Variants in MSRA observed in about 807,000 individuals in gnomAD.
The protein encoded by MSRA is methionine sulfoxide reductase A, also known as mitochondrial peptide methionine sulfoxide reductase.
Under a neutral mutation model 31.3 loss-of-function variants are expected in MSRA, and 54 were observed. The ratio of observed to expected loss-of-function variants is 1.73; its 90% confidence interval spans 1.39 to 2.17. The LOEUF (loss-of-function observed/expected upper bound fraction) is 2.17, where lower values mean the gene tolerates loss of function less well. Ranked by LOEUF, MSRA falls within the 30% of genes most tolerant of loss-of-function variation. The pLI, the probability that MSRA is intolerant of heterozygous loss-of-function variation, is 0.00. For missense variants in MSRA, 507 were observed against 300.9 expected (o/e 1.69, Z -5.07); for synonymous variants, 169 against 116.5 (o/e 1.45, Z -2.90).
At chr8:10,312,546 C>G (rs1254298523) in intron 4 of MSRA, among the ~76,000 whole-genome samples, 1 of 152,154 alleles carries the variant, frequency 6.6e-6, no homozygotes, top group Non-Finnish European at 1.5e-5. Context: ...GAGATGCAGT[C>G]CATCTTATGA....
chr8:10,276,849 A>G (rs1799348089), intron 3 of MSRA, among the ~76,000 whole-genome samples: 1 of 152,150 alleles, frequency 6.6e-6, no homozygotes. Flanking sequence ...AGGTCTACAT[A>G]TGATTTATCG....
chr8:10,158,718 C>A (rs914172598), intron 1 of MSRA, among the ~76,000 whole-genome samples: 3 of 152,084 alleles, frequency 2.0e-5, no homozygotes, highest in African/African-American at 7.2e-5. Flanking sequence ...TTTGTGTAGA[C>A]ACGTTTTCCT....
rs566999627 is a variant in MSRA, at chr8:10,332,089, A to G, written c.543+12100A>G. 1.4e-4 allele frequency among the ~76,000 whole-genome samples: 21 copies of G among 152,272 alleles called. No homozygotes were observed. The East Asian group carries it at 3.7e-3, about 27-fold the overall frequency. ...GGATCAGCATATCTTCCTTTCTGTCATGAATTGAGAAAATGTCATGGTTAT... is the reference window on the plus strand; with the variant it reads ...GGATCAGCATATCTTCCTTTCTGTCGTGAATTGAGAAAATGTCATGGTTAT... On this transcript the variant is annotated intron_variant, in intron 5 of 5. Transcript: ENST00000317173.
chr8:10,140,066 A>G (rs1802581934), intron 1 of MSRA, among the ~76,000 whole-genome samples: 2 of 152,216 alleles, frequency 1.3e-5, no homozygotes, highest in South Asian at 2.1e-4. Flanking sequence ...CGAGGGAAAC[A>G]GGGAAACCTG....
intron 5 of MSRA, among the ~76,000 whole-genome samples, chr8:10,354,846 G>C (rs1332813480): frequency 6.7e-6 from 1 of 150,134 alleles, no homozygotes; most frequent in Non-Finnish European, 1.5e-5. Flanking sequence ...ATATACCATA[G>C]CTTATTTAAC....
At chr8:10,203,524 A>G (rs1481825859) in intron 1 of MSRA, among the ~76,000 whole-genome samples, 3 of 152,238 alleles carry the variant, frequency 2.0e-5, no homozygotes, top group Non-Finnish European at 2.9e-5. Context: ...CATTGTAACC[A>G]TGGTGACATC....
At chr8:10,363,655 A>G (rs1804983442) in intron 5 of MSRA, among the ~76,000 whole-genome samples, 1 of 151,618 alleles carries the variant, frequency 6.6e-6, no homozygotes. Flanking sequence ...ATGTTTACTG[A>G]AAGGAAGAAC....
At chr8:10,162,612 G>A (rs891301998) in intron 1 of MSRA, among the ~76,000 whole-genome samples, 4 of 152,174 alleles carry the variant, frequency 2.6e-5, no homozygotes, top group African/African-American at 9.7e-5. Flanking sequence ...TGGCACAGGG[G>A]AAACCCGTAG....
chr8:10,181,704 C>G (rs543753258), intron 1 of MSRA, among the ~76,000 whole-genome samples: 2 of 152,126 alleles, frequency 1.3e-5, no homozygotes, highest in Non-Finnish European at 2.9e-5. Context: ...AATAGATGAA[C>G]TTGCTGGGTC....
chr8:10,212,101 T>C lies in MSRA; in HGVS notation c.211+4200T>C, dbSNP rs192522848. ...ACTTGGGAGGCTGAGGCAGGAGAAT[T>C]ACTTGAACCCAGGAGGCGGAGGTTG... On this transcript the variant is annotated intron_variant, in intron 2 of 5. Coordinates refer to ENST00000317173, the MANE Select transcript of MSRA (RefSeq NM_012331.5). Among the ~76,000 whole-genome samples, 319 of 151,842 alleles carry C rather than the reference T, an allele frequency of 2.1e-3. 1 individual carries two copies. Among genetic ancestry groups the C allele is most frequent in the African/African-American group, 7.3e-3 (302 of 41,410 alleles).
At chr8:10,243,292 A>C (rs1391389930) in intron 2 of MSRA, among the ~76,000 whole-genome samples, 3 of 152,258 alleles carry the variant, frequency 2.0e-5, no homozygotes. Flanking sequence ...GGTGCTCTGC[A>C]CAGATCCTGG....
At chr8:10,068,381 AG>A (rs1283476679) in intron 1 of MSRA, among the ~76,000 whole-genome samples, 1 of 152,190 alleles carries the variant, frequency 6.6e-6, no homozygotes, top group Non-Finnish European at 1.5e-5. Flanking sequence ...GTATCTAAAA[AG>A]TTATTGCCAA....
At chr8:10,166,880 C>G (rs1445834449) in intron 1 of MSRA, among the ~76,000 whole-genome samples, 1 of 152,126 alleles carries the variant, frequency 6.6e-6, no homozygotes, top group Non-Finnish European at 1.5e-5. Context: ...GACTGATGCC[C>G]CCATACCCCT....
At chr8:10,197,408 C>G (rs922591293) in intron 1 of MSRA, among the ~76,000 whole-genome samples, 1 of 152,110 alleles carries the variant, frequency 6.6e-6, no homozygotes, top group Non-Finnish European at 1.5e-5. Context: ...GCCGGAGATG[C>G]AGGATGCTTG....
chr8:10,412,487 G>A (rs1448757444), intron 5 of MSRA, among the ~76,000 whole-genome samples: 1 of 152,198 alleles, frequency 6.6e-6, no homozygotes, highest in African/African-American at 2.4e-5. Flanking sequence ...GATGTTCCAG[G>A]TATAGAACGA....
intron 2 of MSRA, among the ~76,000 whole-genome samples, chr8:10,230,281 A>G (rs770498965): frequency 6.6e-6 from 1 of 152,212 alleles, no homozygotes; most frequent in Non-Finnish European, 1.5e-5. Flanking sequence ...AGAGCTTTGT[A>G]TCTGATTGAC....
intron 1 of MSRA, among the ~76,000 whole-genome samples, chr8:10,138,871 GCAGCAGCA>G (rs1802482824): frequency 6.6e-6 from 1 of 152,190 alleles, no homozygotes; most frequent in Non-Finnish European, 1.5e-5. Flanking sequence ...AGCAGCAGCA[GCAGCAGCA>G]AGACTCACAG....
intron 1 of MSRA, among the ~76,000 whole-genome samples, chr8:10,164,267 T>A (rs1804925460): frequency 6.6e-6 from 1 of 152,224 alleles, no homozygotes; most frequent in South Asian, 2.1e-4. Context: ...ACCTCATTTC[T>A]TGATTAAAAT....
At chr8:10,173,027 G>A (rs889496926) in intron 1 of MSRA, among the ~76,000 whole-genome samples, 17 of 152,174 alleles carry the variant, frequency 1.1e-4, no homozygotes, top group Non-Finnish European at 2.4e-4. Context: ...TATTCTAGGT[G>A]GAGAGAAAGA....
Sources: gnomAD v4.1 joint callset for allele counts (sites outside exome capture counted in the v4.1 genomes callset) on GRCh38, gnomAD v4.1.1 for gene constraint, MANE v1.5 for transcripts, NCBI Gene and HGNC (gene_info 2026-07-23, HGNC 2026-07-21) for gene names.